The following GMDS variants were observed in gnomAD, a reference collection of about 807,000 sequenced individuals.
GMDS encodes the protein GDP-mannose 4,6 dehydratase.
Under a neutral mutation model 49.9 loss-of-function variants are expected in GMDS, and 20 were observed. The observed-to-expected ratio is 0.40, with a 90% CI of 0.28 to 0.58. GMDS has a LOEUF of 0.58. Ranked by LOEUF, GMDS falls within the 20% of genes least tolerant of loss-of-function variation. The pLI, the probability that GMDS is intolerant of heterozygous loss-of-function variation, is 0.42. For synonymous variants in GMDS, 177 were observed against 178.6 expected, an observed-to-expected ratio of 0.99 and a Z score of 0.07; for missense variants, 362 against 481.4, an observed-to-expected ratio of 0.75 and a Z score of 2.32.
intron 4 of GMDS, among the ~76,000 whole-genome samples, chr6:2,030,688 T>A (rs770646116): frequency 2.6e-5 from 4 of 152,132 alleles, no homozygotes; most frequent in Non-Finnish European, 5.9e-5. Context: ...GGTAACAGAT[T>A]TTTTTTAAGT....
At chr6:1,854,591 T>C (rs528136434) in intron 7 of GMDS, among the ~76,000 whole-genome samples, 4 of 152,344 alleles carry the variant, frequency 2.6e-5, no homozygotes, top group Admixed American at 1.3e-4. Flanking sequence ...TCAGGGACAC[T>C]GTTGAACAGA....
At chr6:2,217,179 C>T (rs1442272077) in intron 1 of GMDS, among the ~76,000 whole-genome samples, 3 of 152,048 alleles carry the variant, frequency 2.0e-5, no homozygotes, top group Admixed American at 2.0e-4. Context: ...CATCAGACAG[C>T]AGTTTCTGTG....
intron 6 of GMDS, 147 bp from the exon 7 acceptor site, chr6:1,930,377 G>T: frequency 1.7e-6 from 1 of 580,964 alleles, no homozygotes; most frequent in South Asian, 2.7e-5. Context: ...AAAAGAAAAA[G>T]AGAAAAGATC....
At chr6:1,852,760 G>A (rs917153789) in intron 7 of GMDS, among the ~76,000 whole-genome samples, 21 of 151,882 alleles carry the variant, frequency 1.4e-4, no homozygotes, top group African/African-American at 5.1e-4. Flanking sequence ...AGGCTAGAGT[G>A]CAATGGTGTG....
intron 9 of GMDS, among the ~76,000 whole-genome samples, chr6:1,673,374 T>C (rs1764487823): frequency 6.6e-6 from 1 of 151,926 alleles, no homozygotes; most frequent in Non-Finnish European, 1.5e-5. Flanking sequence ...AGGGCTTTTT[T>C]TTTTTTTAAA....
intron 7 of GMDS, among the ~76,000 whole-genome samples, chr6:1,889,821 G>A (rs1194585804): frequency 6.6e-6 from 1 of 152,052 alleles, no homozygotes; most frequent in Non-Finnish European, 1.5e-5. Flanking sequence ...CAGTGTCTAT[G>A]GATTCTTGTG....
At chr6:2,116,477 T>C (rs1346571610) in intron 3 of GMDS, among the ~76,000 whole-genome samples, 2 of 152,190 alleles carry the variant, frequency 1.3e-5, no homozygotes, top group African/African-American at 4.8e-5. Flanking sequence ...ACTTGATCTT[T>C]TCATCATTTT....
At chr6:1,912,199 C>T (rs1252066430) in intron 7 of GMDS, among the ~76,000 whole-genome samples, 1 of 152,068 alleles carries the variant, frequency 6.6e-6, no homozygotes, top group African/African-American at 2.4e-5. Context: ...AACTCTGTCT[C>T]TACTAAAAAT....
chr6:1,960,016 A>G (rs763211234), intron 5 of GMDS, 45 bp from the exon 6 acceptor site: 2 of 1,144,768 alleles, frequency 1.7e-6, no homozygotes, highest in Non-Finnish European at 2.6e-6. Context: ...GTTGTAAAAG[A>G]CAGTGATTCT....
At chr6:2,020,361 G>C (rs1334569947) in intron 4 of GMDS, among the ~76,000 whole-genome samples, 1 of 151,802 alleles carries the variant, frequency 6.6e-6, no homozygotes, top group Non-Finnish European at 1.5e-5. Context: ...GTACATATCA[G>C]TTATGAGAGA....
chr6:1,952,762 C>G (rs1162437032), intron 6 of GMDS, among the ~76,000 whole-genome samples: 2 of 152,016 alleles, frequency 1.3e-5, no homozygotes, highest in African/African-American at 4.8e-5. Context: ...AGAAGATCCA[C>G]AGGGAGAGAG....
At chr6:1,655,606 C>T (rs1282285574) in intron 9 of GMDS, among the ~76,000 whole-genome samples, 1 of 151,656 alleles carries the variant, frequency 6.6e-6, no homozygotes. Context: ...CAGGTTCAAA[C>T]AATTCTCCCG....
chr6:2,067,653 T>G (rs1470091611), intron 4 of GMDS, among the ~76,000 whole-genome samples: 1 of 151,932 alleles, frequency 6.6e-6, no homozygotes, highest in African/African-American at 2.4e-5. Context: ...GCAAATAAAC[T>G]AGAAAATCTA....
chr6:1,795,127 G>C (rs951694394), intron 7 of GMDS, among the ~76,000 whole-genome samples: 17 of 152,220 alleles, frequency 1.1e-4, no homozygotes, highest in African/African-American at 4.1e-4. Context: ...TTGAGTCCGG[G>C]AGGCAGAGGT....
chr6:2,216,382 C>A (rs73420763), intron 1 of GMDS, among the ~76,000 whole-genome samples: 2,582 of 152,336 alleles, frequency 0.017, 57 homozygotes, highest in African/African-American at 0.056. Context: ...AAAACATGAT[C>A]TTTACTGGCT....
chr6:1,901,653 CAG>C (rs1760511300), intron 7 of GMDS, among the ~76,000 whole-genome samples: 1 of 151,940 alleles, frequency 6.6e-6, no homozygotes, highest in Non-Finnish European at 1.5e-5. Flanking sequence ...TTTTGAAGCT[CAG>C]AGAACTCTAC....
chr6:2,047,704 G>A (rs1770109032), intron 4 of GMDS, among the ~76,000 whole-genome samples: 1 of 152,038 alleles, frequency 6.6e-6, no homozygotes. Context: ...AGCCAGGCTG[G>A]TCTCAAACTC....
intron 9 of GMDS, among the ~76,000 whole-genome samples, chr6:1,629,366 A>T (rs765979287): frequency 1.2e-4 from 19 of 152,108 alleles, no homozygotes; most frequent in Non-Finnish European, 1.9e-4. Context: ...CTCTCCTTTC[A>T]TGACAAGGGG....
chr6:1,867,949 A>C (rs1270807145), intron 7 of GMDS, among the ~76,000 whole-genome samples: 2 of 151,088 alleles, frequency 1.3e-5, no homozygotes, highest in African/African-American at 4.9e-5. Flanking sequence ...TGATCCTAGG[A>C]AGGGAGGCTC....
Sources: gnomAD v4.1 joint callset for allele counts (sites outside exome capture counted in the v4.1 genomes callset) on GRCh38, gnomAD v4.1.1 for gene constraint, MANE v1.5 for transcripts, NCBI Gene and HGNC (gene_info 2026-07-23, HGNC 2026-07-21) for gene names.